The following GRID1 variants were observed in gnomAD, a reference collection of about 807,000 sequenced individuals.
The protein encoded by GRID1 is glutamate ionotropic receptor delta type subunit 1, also known as glutamate receptor ionotropic, delta-1.
GRID1 carries 28 observed loss-of-function variants against 98.0 expected under a neutral mutation model. That is an observed-to-expected ratio of 0.29 (90% CI 0.21 to 0.39). The LOEUF (loss-of-function observed/expected upper bound fraction) is 0.39, where lower values mean the gene tolerates loss of function less well. GRID1 is among the 10% of genes least tolerant of loss of function. GRID1 has a pLI of 1.00. For missense variants in GRID1, 1,111 were observed against 1,340.5 expected (o/e 0.83, Z 2.67); for synonymous variants, 553 against 538.5 (o/e 1.03, Z -0.37).
chr10:86,039,211 C>A (rs1843312965), intron 4 of GRID1, among the ~76,000 whole-genome samples: 1 of 152,162 alleles, frequency 6.6e-6, no homozygotes, highest in South Asian at 2.1e-4. Context: ...CCTAACCTCT[C>A]TATGGTCATT....
intron 13 of GRID1, among the ~76,000 whole-genome samples, chr10:85,634,084 T>C (rs1483553742): frequency 6.6e-6 from 1 of 151,774 alleles, no homozygotes; most frequent in Non-Finnish European, 1.5e-5. Flanking sequence ...GGCAGGAGAA[T>C]TGCTTGAACC....
At chr10:85,784,215 A>C (rs1842405867) in intron 8 of GRID1, among the ~76,000 whole-genome samples, 1 of 152,244 alleles carries the variant, frequency 6.6e-6, no homozygotes, top group African/African-American at 2.4e-5. Flanking sequence ...CAAGATGTTA[A>C]AAGCATGCCA....
chr10:85,956,431 G>A (rs1842194058), intron 4 of GRID1, among the ~76,000 whole-genome samples: 1 of 152,130 alleles, frequency 6.6e-6, no homozygotes, highest in Non-Finnish European at 1.5e-5. Context: ...AGTTTATGAG[G>A]ATATTTCCAA....
chr10:86,307,406 A>G (rs1242408661), intron 2 of GRID1, among the ~76,000 whole-genome samples: 1 of 152,226 alleles, frequency 6.6e-6, no homozygotes, highest in East Asian at 1.9e-4. Context: ...GGGTGAACCT[A>G]GAGAACGTTA....
intron 2 of GRID1, among the ~76,000 whole-genome samples, chr10:86,324,638 A>T (rs752580220): frequency 6.6e-6 from 1 of 152,234 alleles, no homozygotes; most frequent in Non-Finnish European, 1.5e-5. Context: ...CAGTTGATTC[A>T]ATAAAAGGCA....
At chr10:85,695,871 T>G (rs1274298411) in intron 12 of GRID1, among the ~76,000 whole-genome samples, 2 of 152,112 alleles carry the variant, frequency 1.3e-5, no homozygotes, top group African/African-American at 4.8e-5. Context: ...GAATTCAGAA[T>G]TTATAAGAGA....
chr10:85,997,431 A>C (rs988249779), intron 4 of GRID1, among the ~76,000 whole-genome samples: 2 of 152,158 alleles, frequency 1.3e-5, no homozygotes, highest in Non-Finnish European at 2.9e-5. Flanking sequence ...TAGTTGGATA[A>C]GGTTTTGATG....
intron 13 of GRID1, among the ~76,000 whole-genome samples, chr10:85,620,278 A>C (rs1054329269): frequency 7.9e-5 from 12 of 152,228 alleles, no homozygotes; most frequent in African/African-American, 2.9e-4. Flanking sequence ...GGAGAGGGGA[A>C]GGGCAGAGGA....
intron 2 of GRID1, among the ~76,000 whole-genome samples, chr10:86,227,379 T>C (rs72841777): frequency 0.28 from 43,246 of 152,010 alleles, 7,005 homozygotes; most frequent in Non-Finnish European, 0.38. Flanking sequence ...CTCATAGTAG[T>C]GGGGGGCTGC....
At chr10:85,806,987 C>T (rs1302800888) in intron 8 of GRID1, among the ~76,000 whole-genome samples, 1 of 151,690 alleles carries the variant, frequency 6.6e-6, no homozygotes. Context: ...ATATATTTTA[C>T]CTTGGATTCA....
rs185642908 is a variant in GRID1, at chr10:85,986,472, T to C, written c.727-70233A>G. On this transcript the variant is annotated intron_variant, in intron 4 of 15. Coordinates refer to ENST00000327946, the MANE Select transcript of GRID1 (RefSeq NM_017551.3). The stretch of plus-strand genomic sequence containing the variant: ...GTGTTAGTTGCAGAGACAGGCCTGA[T>C]AGGAGGCCAGCTGGGAAGAGCATCA... Among the ~76,000 whole-genome samples the C allele has an allele frequency of 1.9e-3, 296 of 152,306 alleles. 1 individual carries two copies. The highest frequency in any genetic ancestry group is 3.5e-3 in the Non-Finnish European group (241 of 68,026).
intron 6 of GRID1, among the ~76,000 whole-genome samples, chr10:85,865,955 GGAGAGAGAGAGAGAGAGAGAGAGAGAGA>G (rs11468652): frequency 1.2e-5 from 1 of 84,698 alleles, no homozygotes; most frequent in Non-Finnish European, 2.2e-5. Flanking sequence ...ACATATATAT[GGAGAGAGAGAGAGAGAGAGAGAGAGAGA>G]GAGAGAGAGA....
intron 4 of GRID1, among the ~76,000 whole-genome samples, chr10:86,081,126 A>G (rs1339870058): frequency 6.6e-6 from 1 of 151,766 alleles, no homozygotes; most frequent in Non-Finnish European, 1.5e-5. Context: ...AAAGGTAACT[A>G]TCTCATTATT....
At chr10:86,301,499 G>A (rs1847686984) in intron 2 of GRID1, among the ~76,000 whole-genome samples, 1 of 152,216 alleles carries the variant, frequency 6.6e-6, no homozygotes, top group African/African-American at 2.4e-5. Context: ...GCTCTTTAAA[G>A]GGGGAGCAGA....
intron 4 of GRID1, among the ~76,000 whole-genome samples, chr10:86,025,661 G>A (rs1271522651): frequency 6.6e-6 from 1 of 152,202 alleles, no homozygotes; most frequent in Admixed American, 6.5e-5. Flanking sequence ...CATACATATA[G>A]TAAGTGGCAG....
chr10:86,040,726 T>A (rs1843334044), intron 4 of GRID1, among the ~76,000 whole-genome samples: 1 of 152,162 alleles, frequency 6.6e-6, no homozygotes, highest in Admixed American at 6.5e-5. Flanking sequence ...ATATTTCAAA[T>A]AATTAAAAGA....
At chr10:86,346,362 G>A (rs925994787) in intron 2 of GRID1, among the ~76,000 whole-genome samples, 2 of 152,228 alleles carry the variant, frequency 1.3e-5, no homozygotes, top group Admixed American at 6.5e-5. Context: ...AGTAGGGACT[G>A]GTGCTGGCTG....
Position 86,077,344 on chromosome 10 carries a change from C to T in GRID1, c.726+61475G>A, listed in dbSNP as rs115899627. ...TCTCCAAAGCCCTTCCTGATCTGGT[C>T]ACCACCAAGTCTTCCAACAAACCTT... On this transcript the variant is annotated intron_variant, in intron 4 of 15. Transcript: ENST00000327946. Among the ~76,000 whole-genome samples the T allele has an allele frequency of 3.6e-3, 553 of 152,304 alleles. 4 individuals carry two copies. The highest frequency in any genetic ancestry group is 0.013 in the African/African-American group (528 of 41,562).
intron 3 of GRID1, among the ~76,000 whole-genome samples, chr10:86,148,813 C>G (rs1564690174): frequency 6.6e-6 from 1 of 152,164 alleles, no homozygotes; most frequent in African/African-American, 2.4e-5. Context: ...CACGGAGAAG[C>G]AGCCCCACTG....
Sources: gnomAD v4.1 joint callset for allele counts (sites outside exome capture counted in the v4.1 genomes callset) on GRCh38, gnomAD v4.1.1 for gene constraint, MANE v1.5 for transcripts, NCBI Gene and HGNC (gene_info 2026-07-23, HGNC 2026-07-21) for gene names.